ECM2: variants seen among roughly 807,000 people sequenced by gnomAD.
ECM2 encodes extracellular matrix protein 2, also known as extracellular matrix protein 2, female organ and adipocyte specific.
A neutral mutation model predicts 67.5 loss-of-function variants in ECM2; 57 were observed. The observed-to-expected ratio is 0.84, with a 90% CI of 0.68 to 1.05. ECM2 has a LOEUF of 1.05. Ranked by LOEUF, ECM2 falls within the 50% of genes least tolerant of loss-of-function variation. The pLI, the probability that ECM2 is intolerant of heterozygous loss-of-function variation, is 0.00. For synonymous variants in ECM2, 258 were observed against 294.5 expected, an observed-to-expected ratio of 0.88 and a Z score of 1.27; for missense variants, 741 against 822.8, an observed-to-expected ratio of 0.90 and a Z score of 1.22.
At position 92,511,061 on chromosome 9, in the gene ECM2, G is replaced by A. The variant is rs368072486; in HGVS notation, c.1170+950C>T. On this transcript the variant is annotated intron_variant, in intron 5 of 9. Transcript: ENST00000344604. ...GCTTTTCAAACATACACATTTATGA[G>A]TTTTTGTTTACAAACATAAACCCCT... Among the ~76,000 whole-genome samples, 5 of 152,270 alleles carry A rather than the reference G, an allele frequency of 3.3e-5. No individual in the cohort carries two copies. The East Asian group carries it at 9.6e-4, about 29-fold the overall frequency.
chr9:92,496,195 G>T lies in ECM2; in HGVS notation c.*120C>A, dbSNP rs1846336481. On this transcript the variant is annotated 3_prime_UTR_variant, in exon 10 of 10. Transcript: ENST00000344604. ...GTTCATCTGTGTGTTAGTGAATCAGGTTGACTAGCATATAATGATACTGAG... is the reference window on the plus strand; with the variant it reads ...GTTCATCTGTGTGTTAGTGAATCAGTTTGACTAGCATATAATGATACTGAG... The T allele has an allele frequency of 7.1e-7, 1 of 1,412,616 alleles. No individual in the cohort carries two copies. Among genetic ancestry groups the T allele is most frequent in the Non-Finnish European group, 9.2e-7 (1 of 1,091,182 alleles). 87.5% of individuals were successfully genotyped at this position (1,412,616 alleles called of 1,614,324 possible).
rs1321688996 is a variant in ECM2 at position 92,514,830 on chromosome 9, A to G, written c.855T>C (p.Asp285=). 6.2e-7 allele frequency: 1 copy of G among 1,610,638 alleles called. No individual in the cohort carries two copies. The highest frequency in any genetic ancestry group is 8.5e-7 in the Non-Finnish European group (1 of 1,178,312). The change falls in exon 4 of 10, where the codon GAT becomes GAC. Residue 285 remains aspartate (D), a synonymous_variant. Transcript: ENST00000344604. The part of the protein sequence containing the change: ...EEEEGEEGEE[D]EEDEEDPVRG... ...TTACCGGGTCCTCCTCGTCCTCCTCATCCTCCTCACCCTCCTCACCCTCCT... is the reference window on the plus strand; with the variant it reads ...TTACCGGGTCCTCCTCGTCCTCCTCGTCCTCCTCACCCTCCTCACCCTCCT...
chr9:92,506,864 A>T (rs572508620), intron 6 of ECM2, among the ~76,000 whole-genome samples: 3 of 152,282 alleles, frequency 2.0e-5, no homozygotes, highest in African/African-American at 7.2e-5. Context: ...GTTGGTGCTC[A>T]GAGAGAAGTA....
chr9:92,548,944 C>G, the ECM2 span, among the ~76,000 whole-genome samples: 3 of 152,200 alleles, frequency 2.0e-5, no homozygotes, highest in African/African-American at 7.2e-5. Flanking sequence ...CCAAGACATT[C>G]CTGAAGAAGA....
chr9:92,493,994 C>T, downstream of ECM2: 1 of 1,353,350 alleles, frequency 7.4e-7, no homozygotes, highest in Non-Finnish European at 1.0e-6. Context: ...GCCCTCAGGC[C>T]CCAGTGTGCT....
intron 1 of ECM2, among the ~76,000 whole-genome samples, chr9:92,524,603 G>A (rs989449369): frequency 2.0e-5 from 3 of 152,132 alleles, no homozygotes; most frequent in Non-Finnish European, 4.4e-5. Context: ...TATACCCCTT[G>A]CAGCTTTCCT....
At chr9:92,525,397 A>G (rs1430404869) in intron 1 of ECM2, among the ~76,000 whole-genome samples, 1 of 152,206 alleles carries the variant, frequency 6.6e-6, no homozygotes, top group African/African-American at 2.4e-5. Context: ...CATTTGACCA[A>G]AGAAAGTACA....
intron 1 of ECM2, among the ~76,000 whole-genome samples, chr9:92,533,412 TTTTG>T (rs1046798034): frequency 5.5e-5 from 8 of 144,572 alleles, no homozygotes; most frequent in South Asian, 2.4e-4. Context: ...CTTGCCTCCA[TTTTG>T]TTTGTTTGTT....
chr9:92,497,874 TAAA>T (rs71362393), intron 9 of ECM2, among the ~76,000 whole-genome samples: 532 of 134,868 alleles, frequency 3.9e-3, no homozygotes, highest in African/African-American at 8.7e-3. Flanking sequence ...GCTGGTTGTT[TAAA>T]AAAAAAAAAA....
chr9:92,553,206 A>G, the ECM2 span, among the ~76,000 whole-genome samples: 56 of 152,256 alleles, frequency 3.7e-4, no homozygotes, highest in Non-Finnish European at 3.8e-4. Context: ...GCTTTGTCGA[A>G]GATCAGTTGG....
the ECM2 span, among the ~76,000 whole-genome samples, chr9:92,544,921 A>G: frequency 1.3e-5 from 2 of 152,018 alleles, no homozygotes; most frequent in Non-Finnish European, 2.9e-5. Flanking sequence ...TGGTTTCACC[A>G]TGTTGGTCAG....
rs1416740451 is a variant in ECM2, at chr9:92,512,045, ATAT to A, written c.1133_1135del (p.Asn378del). The A allele has an allele frequency of 2.5e-6, 4 of 1,613,488 alleles. No individual in the cohort carries two copies. The highest frequency in any genetic ancestry group is 3.4e-6 in the Non-Finnish European group (4 of 1,179,652). On this transcript the variant is annotated inframe_deletion, in exon 5 of 10. Transcript: ENST00000344604. ...TTTTGGACCTATGCCTGAAGAAGTG[ATAT>A]TATTTTTACTCAGATCAAGCCTTTC...
At chr9:92,531,402 A>G (rs1848741258) in intron 1 of ECM2, among the ~76,000 whole-genome samples, 1 of 152,178 alleles carries the variant, frequency 6.6e-6, no homozygotes, top group Non-Finnish European at 1.5e-5. Context: ...CTATCCCAGT[A>G]TATATTCTGT....
chr9:92,517,076 G>A (rs1430070298), intron 3 of ECM2: 3 of 125,454 alleles, frequency 2.4e-5, no homozygotes, highest in African/African-American at 4.4e-5. Flanking sequence ...CCTCATTGGA[G>A]AAGGGGTCCA....
Position 92,510,001 on chromosome 9 carries a change from C to T in ECM2, c.1204G>A (p.Gly402Arg), listed in dbSNP as rs751407516. ...GAAGGAATCTGTATCAAATTATTTC[C>T]ATCCATATTCAAACGCATTAACTTC... The part of the protein sequence containing the change: ...LKKLMRLNMD[G>R]NNLIQIPSQL... Residue 402 changes from glycine (G) to arginine (R), a missense_variant, in exon 6 of 10, where the codon GGA becomes AGA. Coordinates refer to ENST00000344604, the MANE Select transcript of ECM2 (RefSeq NM_001393.4). 6.2e-7 allele frequency: 1 copy of T among 1,601,828 alleles called. No homozygotes were observed.
chr9:92,493,998 G>A (rs905019042), downstream of ECM2: 78 of 1,396,130 alleles, frequency 5.6e-5, no homozygotes, highest in East Asian at 3.0e-4. Context: ...TCAGGCCCCA[G>A]TGTGCTCGTC....
chr9:92,538,782 G>T (rs762416722), upstream of ECM2, among the ~76,000 whole-genome samples: 1 of 152,170 alleles, frequency 6.6e-6, no homozygotes, highest in Non-Finnish European at 1.5e-5. Context: ...GCAGGAATGT[G>T]GTATTGGTCA....
chr9:92,525,858 A>G (rs775125251), intron 1 of ECM2, among the ~76,000 whole-genome samples: 5 of 146,130 alleles, frequency 3.4e-5, no homozygotes, highest in Admixed American at 7.1e-5. Context: ...ACAGGTATGC[A>G]CCACCATGCC....
the ECM2 span, among the ~76,000 whole-genome samples, chr9:92,550,982 C>A: frequency 6.6e-6 from 1 of 152,144 alleles, no homozygotes; most frequent in African/African-American, 2.4e-5. Flanking sequence ...CTTGCACTAG[C>A]AGTGTGGTCT....
Sources: gnomAD v4.1 joint callset for allele counts (sites outside exome capture counted in the v4.1 genomes callset) on GRCh38, gnomAD v4.1.1 for gene constraint, MANE v1.5 for transcripts, NCBI Gene and HGNC (gene_info 2026-07-23, HGNC 2026-07-21) for gene names.